MAPKBP1: variants seen among roughly 807,000 people sequenced by gnomAD.
MAPKBP1 encodes mitogen-activated protein kinase-binding protein 1.
Under a neutral mutation model 170.5 loss-of-function variants are expected in MAPKBP1, and 71 were observed. The ratio of observed to expected loss-of-function variants is 0.42; its 90% confidence interval spans 0.34 to 0.51. MAPKBP1 has a LOEUF of 0.51. MAPKBP1 is among the 20% of genes least tolerant of loss of function. The pLI, the probability that MAPKBP1 is intolerant of heterozygous loss-of-function variation, is 0.06. For synonymous variants in MAPKBP1, 719 were observed against 757.9 expected, an observed-to-expected ratio of 0.95 and a Z score of 0.84; for missense variants, 1,598 against 1,933.0, an observed-to-expected ratio of 0.83 and a Z score of 3.25.
chr15:41,822,197 G>A (rs1175366192), intron 25 of MAPKBP1, 28 bp from the exon 26 acceptor site: 5 of 1,606,796 alleles, frequency 3.1e-6, no homozygotes, highest in South Asian at 2.2e-5. Context: ...GGTGCAGTGC[G>A]ATGCCTCTCT....
chr15:41,811,244 G>A lies in MAPKBP1; in HGVS notation c.327+9G>A. Reference sequence around the variant, plus strand: ...ACTTGGTCACTGGAGAGGTGAGTGAGGAAGAGGGCTGGCAGTACTGTAAAG... The same window carrying A: ...ACTTGGTCACTGGAGAGGTGAGTGAAGAAGAGGGCTGGCAGTACTGTAAAG... On this transcript the variant is annotated intron_variant, in intron 5 of 30. Transcript: ENST00000457542. 1 of 1,614,250 alleles carries A rather than the reference G, an allele frequency of 6.2e-7. No homozygotes were observed. The highest frequency in any genetic ancestry group is 1.1e-5 in the South Asian group (1 of 91,092).
chr15:41,819,101 A>G lies in MAPKBP1; in HGVS notation c.2291+144A>G, dbSNP rs1596095220. 2.8e-6 allele frequency: 4 copies of G among 1,440,128 alleles called. No individual in the cohort carries two copies. In the East Asian group the frequency reaches 9.3e-5, roughly 33 times the overall value. 89.2% of individuals were successfully genotyped at this position (1,440,128 alleles called of 1,614,324 possible). ...CTCTCACACAAGGATCCATGATGTCAGCCTCTTCCCCCTGTTGAGTCTCCT... is the reference window on the plus strand; with the variant it reads ...CTCTCACACAAGGATCCATGATGTCGGCCTCTTCCCCCTGTTGAGTCTCCT... On this transcript the variant is annotated intron_variant, in intron 20 of 30. Transcript: ENST00000457542.
chr15:41,789,986 A>C (rs79513844), intron 2 of MAPKBP1, among the ~76,000 whole-genome samples: 4,095 of 152,284 alleles, frequency 0.027, 86 homozygotes, highest in Non-Finnish European at 0.043. Flanking sequence ...AGACAGCCCC[A>C]GGTCTAAATC....
At chr15:41,792,326 T>G (rs1156248902) in intron 2 of MAPKBP1, among the ~76,000 whole-genome samples, 1 of 152,012 alleles carries the variant, frequency 6.6e-6, no homozygotes, top group African/African-American at 2.4e-5. Flanking sequence ...TAGTTCCTAC[T>G]GGGAGTGGTG....
chr15:41,805,726 C>T (rs1018358034), intron 3 of MAPKBP1, among the ~76,000 whole-genome samples: 11 of 152,170 alleles, frequency 7.2e-5, no homozygotes, highest in African/African-American at 2.4e-4. Context: ...ACTGTGTTCT[C>T]GTGACACCTG....
At chr15:41,786,338 G>C (rs961900988) in intron 2 of MAPKBP1, among the ~76,000 whole-genome samples, 3 of 151,850 alleles carry the variant, frequency 2.0e-5, no homozygotes, top group African/African-American at 7.3e-5. Flanking sequence ...ATTTTTGTAA[G>C]TAGAAAAAAA....
At chr15:41,782,914 C>T (rs1567133395) in intron 2 of MAPKBP1, among the ~76,000 whole-genome samples, 1 of 152,194 alleles carries the variant, frequency 6.6e-6, no homozygotes, top group Non-Finnish European at 1.5e-5. Context: ...AACCCTTGTC[C>T]ATCTATATCC....
intron 2 of MAPKBP1, among the ~76,000 whole-genome samples, chr15:41,782,218 C>T (rs1168906105): frequency 2.7e-5 from 4 of 148,256 alleles, no homozygotes; most frequent in East Asian, 3.9e-4. Flanking sequence ...GCTGAGATCG[C>T]GCCACTGCCC....
At chr15:41,806,245 G>C (rs746940507) in intron 3 of MAPKBP1, among the ~76,000 whole-genome samples, 1 of 152,218 alleles carries the variant, frequency 6.6e-6, no homozygotes, top group Non-Finnish European at 1.5e-5. Context: ...CAGTAGAAGC[G>C]GTAGCAGTGA....
In MAPKBP1 at chr15:41,817,954, A is replaced by G; in HGVS notation, c.1905-55A>G. 2 of 1,579,752 alleles carry G rather than the reference A, an allele frequency of 1.3e-6. No homozygotes were observed. The highest frequency in any genetic ancestry group is 1.7e-6 in the Non-Finnish European group (2 of 1,149,034). On this transcript the variant is annotated intron_variant, in intron 16 of 30. Transcript: ENST00000457542. This position sits in a 1 kb window ranked among gnomAD's most constrained non-coding sequence, Gnocchi z 4.2. ...GTGAAAGCTGGCATTTCCATCCCCCAGGCGTGTTCCACCTTCACCGCCTCC... is the reference window on the plus strand; with the variant it reads ...GTGAAAGCTGGCATTTCCATCCCCCGGGCGTGTTCCACCTTCACCGCCTCC...
At chr15:41,814,093 G>C (rs2064850093) in intron 9 of MAPKBP1, among the ~76,000 whole-genome samples, 1 of 152,190 alleles carries the variant, frequency 6.6e-6, no homozygotes. Context: ...GGAACTAGGG[G>C]CAATTCTACA....
rs780442198 is a variant in MAPKBP1 at position 41,816,625 on chromosome 15, C to T, written c.1560C>T (p.Cys520=). ...AGGCCCATGACTCTGAGATTCTGTG[C>T]CTGGAGTATTCTAAGCCAGACACAG... ...KVEAHDSEIL[C]LEYSKPDTGL... The change falls in exon 13 of 31, where the codon TGC becomes TGT. Residue 520 remains cysteine (C), a synonymous_variant. Transcript: ENST00000457542. 6.2e-7 allele frequency: 1 copy of T among 1,613,916 alleles called. No homozygotes were observed. Among genetic ancestry groups the T allele is most frequent in the East Asian group, 2.2e-5 (1 of 44,884 alleles).
chr15:41,799,498 A>G (rs915184009), intron 2 of MAPKBP1, among the ~76,000 whole-genome samples: 4 of 152,128 alleles, frequency 2.6e-5, no homozygotes, highest in African/African-American at 9.7e-5. Flanking sequence ...CCCAGGCTCT[A>G]GCTTATACAT....
intron 3 of MAPKBP1, 104 bp downstream of exon 3, chr15:41,800,018 A>C: frequency 1.1e-5 from 10 of 940,702 alleles, no homozygotes; most frequent in Non-Finnish European, 1.4e-5. Flanking sequence ...GAAGATAGAT[A>C]CAGGTTAATG....
chr15:41,820,819 T>G lies in MAPKBP1; in HGVS notation c.2482-13T>G, dbSNP rs1179832867. The G allele has an allele frequency of 3.7e-6, 6 of 1,604,048 alleles. No homozygotes were observed. In the Admixed American group the frequency reaches 8.4e-5, roughly 22 times the overall value. On this transcript the variant is annotated splice_polypyrimidine_tract_variant and intron_variant, in intron 22 of 30. Transcript: ENST00000457542. Reference sequence around the variant, plus strand: ...TTGTTGTTACTCCTCCCCCACCCCCTACCTCCCACCAGGCACAGGAGTCCG... The same window carrying G: ...TTGTTGTTACTCCTCCCCCACCCCCGACCTCCCACCAGGCACAGGAGTCCG...
rs55744466 is a variant in MAPKBP1 at position 41,777,340 on chromosome 15, C to CAAAA, written c.114+1964_114+1967dup. Among the ~76,000 whole-genome samples the CAAAA allele has an allele frequency of 3.5e-5, 3 of 85,242 alleles. No individual in the cohort carries two copies. In the Admixed American group the frequency reaches 4.0e-4, roughly 11 times the overall value. 55.9% of individuals were successfully genotyped at this position (85,242 alleles called of 152,430 possible). A position where few individuals can be genotyped will look rare whatever the true frequency, so the allele number is the denominator to read the frequency against. On this transcript the variant is annotated intron_variant, in intron 2 of 30. Transcript: ENST00000457542. The stretch of plus-strand genomic sequence containing the variant: ...TGGGTAACAGAGCAAGACTCCGTCT[C>CAAAA]AAAAAAAAAAAAAAAAGGAAAGGCT...
chr15:41,825,119 T>A, intron 30 of MAPKBP1, 90 bp from the exon 31 acceptor site: 1 of 963,682 alleles, frequency 1.0e-6, no homozygotes, highest in Non-Finnish European at 1.5e-6. Context: ...GCTAGTCCCT[T>A]CTGAGGCAGG....
intron 23 of MAPKBP1, 160 bp from the exon 24 acceptor site, chr15:41,821,424 C>A: frequency 1.5e-6 from 1 of 681,424 alleles, no homozygotes; most frequent in Non-Finnish European, 2.5e-6. Context: ...GATGTCTGTC[C>A]TTCAGCTTCC....
At chr15:41,809,220 A>G (rs2064760010) in intron 3 of MAPKBP1, among the ~76,000 whole-genome samples, 1 of 152,190 alleles carries the variant, frequency 6.6e-6, no homozygotes, top group Non-Finnish European at 1.5e-5. Flanking sequence ...TTGTCTCAAA[A>G]AAACAGAGAA....
Sources: gnomAD v4.1 joint callset for allele counts (sites outside exome capture counted in the v4.1 genomes callset) on GRCh38, gnomAD v4.1.1 for gene constraint, Gnocchi (gnomAD v3.1) non-coding constraint, MANE v1.5 for transcripts, NCBI Gene and HGNC (gene_info 2026-07-23, HGNC 2026-07-21) for gene names.